The following RAB27B variants were observed in gnomAD, a reference collection of about 807,000 sequenced individuals.
RAB27B encodes ras-related protein Rab-27B.
In RAB27B, 15 loss-of-function variants were observed where a neutral mutation model predicts 24.6. That is an observed-to-expected ratio of 0.61 (90% CI 0.41 to 0.94). The LOEUF (loss-of-function observed/expected upper bound fraction) is 0.94, where lower values mean the gene tolerates loss of function less well. RAB27B is among the 40% of genes least tolerant of loss of function. The probability of loss-of-function intolerance (pLI) is 0.00; values close to 1 mark genes in which losing one functional copy is unlikely to be tolerated. For missense variants in RAB27B, 261 were observed against 266.8 expected (o/e 0.98, Z 0.15); for synonymous variants, 105 against 92.5 (o/e 1.14, Z -0.78).
At chr18:54,817,708 C>A (rs926413896) in intron 2 of RAB27B, among the ~76,000 whole-genome samples, 9 of 151,854 alleles carry the variant, frequency 5.9e-5, no homozygotes, top group African/African-American at 1.9e-4. Flanking sequence ...TTCTTGAAGA[C>A]CCATCCCATC....
At chr18:54,886,139 A>G (rs925570361) in intron 4 of RAB27B, among the ~76,000 whole-genome samples, 1 of 152,020 alleles carries the variant, frequency 6.6e-6, no homozygotes, top group Non-Finnish European at 1.5e-5. Flanking sequence ...AGTTTTACCC[A>G]AACCTTATTT....
At chr18:54,801,020 T>TTG (rs1555657499) in intron 2 of RAB27B, among the ~76,000 whole-genome samples, 5 of 145,008 alleles carry the variant, frequency 3.4e-5, no homozygotes, top group African/African-American at 7.6e-5. Flanking sequence ...TTTTTTTTTT[T>TTG]TTTTTTTTTT....
At chr18:54,797,261 T>C (rs1181039386) in intron 2 of RAB27B, among the ~76,000 whole-genome samples, 1 of 152,154 alleles carries the variant, frequency 6.6e-6, no homozygotes, top group Non-Finnish European at 1.5e-5. Context: ...AAGAGTAGCT[T>C]ATAGGCACTC....
intron 1 of RAB27B, among the ~76,000 whole-genome samples, chr18:54,836,062 A>C (rs1910881398): frequency 6.6e-6 from 1 of 151,946 alleles, no homozygotes; most frequent in South Asian, 2.1e-4. Flanking sequence ...TAAAGACAGA[A>C]CATACTGATC....
At chr18:54,866,114 C>T (rs1912209638) in intron 1 of RAB27B, among the ~76,000 whole-genome samples, 2 of 152,020 alleles carry the variant, frequency 1.3e-5, no homozygotes, top group Non-Finnish European at 2.9e-5. Flanking sequence ...AACAGAATCA[C>T]TATGAGTGTG....
intron 2 of RAB27B, among the ~76,000 whole-genome samples, chr18:54,728,898 AAACCCAAAAAAAAAAAAAAAAAAAAC>A (rs1177222307): frequency 1.5e-3 from 137 of 91,354 alleles, no homozygotes; most frequent in African/African-American, 4.9e-3. Flanking sequence ...AAAAAAAAAA[AAACCCAAAAAAAAAAAAAAAAAAAAC>A]CACCACCAAA....
chr18:54,832,387 G>A (rs1910716471), intron 1 of RAB27B, among the ~76,000 whole-genome samples: 1 of 152,174 alleles, frequency 6.6e-6, no homozygotes, highest in African/African-American at 2.4e-5. Context: ...ATAAAACTAG[G>A]GAAGAAATGG....
intron 1 of RAB27B, among the ~76,000 whole-genome samples, chr18:54,862,210 C>T (rs746706879): frequency 3.3e-5 from 5 of 152,246 alleles, no homozygotes; most frequent in South Asian, 2.1e-4. Context: ...AACATCTCAG[C>T]GCATCTGTTT....
intron 2 of RAB27B, among the ~76,000 whole-genome samples, chr18:54,768,000 G>T (rs1908418894): frequency 6.6e-6 from 1 of 152,108 alleles, no homozygotes; most frequent in Non-Finnish European, 1.5e-5. Flanking sequence ...AGAATCTCCG[G>T]CTAATAGAGA....
chr18:54,852,334 A>G (rs989953840), intron 1 of RAB27B, among the ~76,000 whole-genome samples: 5 of 152,148 alleles, frequency 3.3e-5, no homozygotes, highest in African/African-American at 1.2e-4. Flanking sequence ...CATAGCTAAT[A>G]TTGAGAGGAG....
At chr18:54,733,184 T>G (rs1005804928) in intron 2 of RAB27B, among the ~76,000 whole-genome samples, 9 of 152,176 alleles carry the variant, frequency 5.9e-5, no homozygotes, top group Non-Finnish European at 1.3e-4. Flanking sequence ...TAGCTGGGAC[T>G]ATAGGTGCAT....
chr18:54,786,276 T>G (rs1024085360), intron 2 of RAB27B, among the ~76,000 whole-genome samples: 1 of 152,234 alleles, frequency 6.6e-6, no homozygotes, highest in Non-Finnish European at 1.5e-5. Context: ...AAAAGTAACA[T>G]TAACAGTCAC....
At chr18:54,760,414 A>G (rs1003504684) in intron 2 of RAB27B, among the ~76,000 whole-genome samples, 2 of 152,192 alleles carry the variant, frequency 1.3e-5, no homozygotes, top group Non-Finnish European at 2.9e-5. Flanking sequence ...TAGCTTATAG[A>G]CAACTTGAAA....
chr18:54,875,555 T>C (rs1435539062), intron 1 of RAB27B, among the ~76,000 whole-genome samples: 6 of 136,236 alleles, frequency 4.4e-5, no homozygotes, highest in Admixed American at 3.7e-4. Context: ...TTTTTTTTTT[T>C]GAGAACATCC....
Position 54,879,411 on chromosome 18 carries a change from T to A in RAB27B, c.196T>A (p.Phe66Ile), listed in dbSNP as rs200080884. 3.1e-6 allele frequency: 5 copies of A among 1,613,184 alleles called. No homozygotes were observed. The Admixed American group carries it at 5.0e-5, about 16-fold the overall frequency. Residue 66 changes from phenylalanine (F) to isoleucine (I), a missense_variant, in exon 3 of 6, where the codon TTT becomes ATT. Transcript: ENST00000262094. ...ACCGAATGGATCTTCAGGGAAAGCATTTAAAGTGCATCTTCAGCTTTGGGA... is the reference window on the plus strand; with the variant it reads ...ACCGAATGGATCTTCAGGGAAAGCAATTAAAGTGCATCTTCAGCTTTGGGA... ...QGPNGSSGKA[F>I]KVHLQLWDTA... is the part of the protein sequence containing the mutation.
intron 1 of RAB27B, among the ~76,000 whole-genome samples, chr18:54,873,378 A>ACT (rs1055477455): frequency 6.6e-6 from 1 of 152,200 alleles, no homozygotes; most frequent in Non-Finnish European, 1.5e-5. Flanking sequence ...CACGATAAAG[A>ACT]CTAAGTGAGA....
At chr18:54,850,357 T>TATATATATACATAC (rs1264669719) in intron 1 of RAB27B, among the ~76,000 whole-genome samples, 2 of 130,584 alleles carry the variant, frequency 1.5e-5, no homozygotes, top group African/African-American at 6.2e-5. Flanking sequence ...TATATATATA[T>TATATATATACATAC]ATACATACAT....
intron 2 of RAB27B, among the ~76,000 whole-genome samples, chr18:54,763,665 C>T (rs1427294588): frequency 3.3e-5 from 5 of 152,060 alleles, no homozygotes; most frequent in South Asian, 4.1e-4. Flanking sequence ...GAGAGAGAAA[C>T]GGGTAGGAAG....
At chr18:54,791,644 C>T (rs1268832351) in intron 2 of RAB27B, among the ~76,000 whole-genome samples, 1 of 152,188 alleles carries the variant, frequency 6.6e-6, no homozygotes, top group Non-Finnish European at 1.5e-5. Flanking sequence ...GACACTCCTG[C>T]CTTGACGCGC....
Sources: gnomAD v4.1 joint callset for allele counts (sites outside exome capture counted in the v4.1 genomes callset) on GRCh38, gnomAD v4.1.1 for gene constraint, MANE v1.5 for transcripts, NCBI Gene and HGNC (gene_info 2026-07-23, HGNC 2026-07-21) for gene names.